Variants in TMEM44 observed in about 807,000 individuals in gnomAD.
The protein encoded by TMEM44 is transmembrane protein 44.
In TMEM44, 43 loss-of-function variants were observed where a neutral mutation model predicts 47.8. That is an observed-to-expected ratio of 0.90 (90% confidence interval 0.70 to 1.16). TMEM44 has a LOEUF of 1.16. TMEM44 is among the 50% of genes most tolerant of loss of function. The probability of loss-of-function intolerance (pLI) is 0.00; values close to 1 mark genes in which losing one functional copy is unlikely to be tolerated. For synonymous variants in TMEM44, 277 were observed against 238.8 expected, an observed-to-expected ratio of 1.16 and a Z score of -1.48; for missense variants, 568 against 555.2, an observed-to-expected ratio of 1.02 and a Z score of -0.23.
At position 194,603,017 on chromosome 3, in the gene TMEM44, CG is replaced by C. The variant is rs1298513386; in HGVS notation, c.1176+1269del. 2.6e-5 allele frequency among the ~76,000 whole-genome samples: 4 copies of C among 152,306 alleles called. No homozygotes were observed. The East Asian group carries it at 7.7e-4, about 29-fold the overall frequency. On this transcript the variant is annotated intron_variant, in intron 9 of 9. Transcript: ENST00000347147. ...CAGTTGGGAGGACACAAACTCATAACGGAAGACAGTCCTCTCCCCGCACCAA... is the reference window on the plus strand; with the variant it reads ...CAGTTGGGAGGACACAAACTCATAACGAAGACAGTCCTCTCCCCGCACCAA...
intron 8 of TMEM44, among the ~76,000 whole-genome samples, chr3:194,605,777 G>C (rs1714711502): frequency 6.6e-6 from 1 of 152,204 alleles, no homozygotes; most frequent in South Asian, 2.1e-4. Flanking sequence ...CTATAAAAGG[G>C]GATGATAATC....
chr3:194,621,605 T>TCA (rs1052712731), intron 5 of TMEM44, among the ~76,000 whole-genome samples: 7 of 152,270 alleles, frequency 4.6e-5, no homozygotes, highest in African/African-American at 1.7e-4. Flanking sequence ...CTTCTGGCAG[T>TCA]CACAGCACAG....
chr3:194,597,706 G>A (rs1476960346), intron 9 of TMEM44, among the ~76,000 whole-genome samples: 2 of 151,794 alleles, frequency 1.3e-5, no homozygotes, highest in African/African-American at 4.8e-5. Context: ...CAGGAGCAGT[G>A]AACTTCAGGC....
intron 9 of TMEM44, among the ~76,000 whole-genome samples, chr3:194,601,150 T>TG (rs1714056571): frequency 6.9e-6 from 1 of 145,374 alleles, no homozygotes; most frequent in Admixed American, 6.9e-5. Flanking sequence ...TACTTGTTTG[T>TG]TTTTTTTTTT....
At chr3:194,626,950 G>A (rs1429340981) in intron 2 of TMEM44, among the ~76,000 whole-genome samples, 1 of 124,730 alleles carries the variant, frequency 8.0e-6, no homozygotes, top group Non-Finnish European at 1.7e-5. Context: ...TTGAGACGAA[G>A]TCTTGCTGTT....
At chr3:194,617,647 C>G (rs1716058101) in intron 5 of TMEM44, 1 of 703,876 alleles carries the variant, frequency 1.4e-6, no homozygotes, top group South Asian at 1.5e-5. Context: ...ATCTCAGTGC[C>G]CAGCACCTGA....
At chr3:194,614,487 C>T (rs1715671359) in intron 7 of TMEM44, among the ~76,000 whole-genome samples, 1 of 152,230 alleles carries the variant, frequency 6.6e-6, no homozygotes, top group African/African-American at 2.4e-5. Flanking sequence ...TCACTGCAAC[C>T]TCTGCCTCCA....
intron 7 of TMEM44, among the ~76,000 whole-genome samples, chr3:194,612,865 T>C (rs813152): frequency 0.89 from 135,468 of 151,542 alleles, 60,479 homozygotes; most frequent in South Asian, 0.94. Flanking sequence ...GGGGTTTCAC[T>C]GTGGTCTCGA....
At chr3:194,594,945 G>A (rs1713225215) in intron 9 of TMEM44, among the ~76,000 whole-genome samples, 1 of 152,108 alleles carries the variant, frequency 6.6e-6, no homozygotes, top group Non-Finnish European at 1.5e-5. Flanking sequence ...ATGATAGTGT[G>A]CCTAAGGAGT....
chr3:194,593,096 G>A (rs766964800), intron 9 of TMEM44: 14 of 1,612,896 alleles, frequency 8.7e-6, no homozygotes, highest in Non-Finnish European at 1.2e-5. Flanking sequence ...AAGAGAGACA[G>A]AAAAAGTGTT....
intron 9 of TMEM44, among the ~76,000 whole-genome samples, chr3:194,600,713 G>A (rs768565228): frequency 2.0e-5 from 3 of 151,908 alleles, no homozygotes; most frequent in South Asian, 2.1e-4. Flanking sequence ...ACTGCGCCAC[G>A]GCACTCCAGC....
chr3:194,606,952 C>CAAAAAAAAAAAAAAAAA (rs561876150), intron 8 of TMEM44, among the ~76,000 whole-genome samples: 1 of 111,786 alleles, frequency 8.9e-6, no homozygotes, highest in African/African-American at 3.4e-5. Flanking sequence ...GACTCTGCCT[C>CAAAAAAAAAAAAAAAAA]AAAAAAAAAA....
intron 6 of TMEM44, chr3:194,616,524 A>G (rs752485025): frequency 4.4e-5 from 20 of 453,506 alleles, no homozygotes; most frequent in South Asian, 3.1e-4. Context: ...AGAAATGTAA[A>G]CGACACTGCC....
At chr3:194,603,677 C>T (rs1242429561) in intron 9 of TMEM44, among the ~76,000 whole-genome samples, 8 of 152,024 alleles carry the variant, frequency 5.3e-5, no homozygotes, top group African/African-American at 1.9e-4. Context: ...GGATTACAGG[C>T]GTGAGCCACC....
intron 9 of TMEM44, among the ~76,000 whole-genome samples, chr3:194,603,322 C>T (rs1032343147): frequency 1.3e-5 from 2 of 152,214 alleles, no homozygotes; most frequent in Non-Finnish European, 2.9e-5. Context: ...GTGTATGGCC[C>T]CACTAACACA....
chr3:194,589,125 G>A (rs142696760), intron 9 of TMEM44: 5 of 162,060 alleles, frequency 3.1e-5, no homozygotes, highest in East Asian at 1.9e-4. Flanking sequence ...TCAGCCTCCC[G>A]AGTAGCTGGG....
chr3:194,617,668 C>G (rs771789792), intron 5 of TMEM44: 2 of 704,008 alleles, frequency 2.8e-6, no homozygotes, highest in Admixed American at 4.0e-5. Flanking sequence ...CGCTGGGCAG[C>G]GGCTCGCCAA....
chr3:194,616,647 G>A, intron 6 of TMEM44: 1 of 455,110 alleles, frequency 2.2e-6, no homozygotes, highest in Non-Finnish European at 4.4e-6. Flanking sequence ...GCCCTGCCTT[G>A]CCTTCACACA....
At position 194,602,797 on chromosome 3, in the gene TMEM44, T is replaced by C. The variant is rs1037527746; in HGVS notation, c.1176+1490A>G. Among the ~76,000 whole-genome samples the C allele has an allele frequency of 1.3e-4, 20 of 152,200 alleles. 1 individual carries two copies. Among genetic ancestry groups the C allele is most frequent in the African/African-American group, 4.6e-4 (19 of 41,534 alleles). ...AGGCCTGGACTGCCACCCTGAGGAA[T>C]CCAGACTTCATCCCAGTCAGTGGTT... On this transcript the variant is annotated intron_variant, in intron 9 of 9. Coordinates refer to ENST00000347147, the MANE Select transcript of TMEM44 (RefSeq NM_001011655.3).
Sources: allele counts gnomAD v4.1 joint callset (sites outside exome capture counted in the v4.1 genomes callset), GRCh38; gene constraint gnomAD v4.1.1; transcripts MANE v1.5; gene names NCBI Gene and HGNC (gene_info 2026-07-23, HGNC 2026-07-21).